Variants in WDR62 observed in about 807,000 individuals in gnomAD.
WDR62 encodes the protein WD repeat domain 62.
In WDR62, 112 loss-of-function variants were observed where a neutral mutation model predicts 160.6. The ratio of observed to expected loss-of-function variants is 0.70; its 90% confidence interval spans 0.60 to 0.82. WDR62 has a LOEUF of 0.82. Ranked by LOEUF, WDR62 falls within the 40% of genes least tolerant of loss-of-function variation. The pLI is 0.00. For missense variants in WDR62, 1,819 were observed against 1,983.8 expected (o/e 0.92, Z 1.58); for synonymous variants, 792 against 815.1 (o/e 0.97, Z 0.48).
rs374037472 is a variant in WDR62, at chr19:36,091,695, G to A, written c.2210+230G>A. ...GTGGATCACTTGAGCTCAGGAGTTC[G>A]AGACCAGCCTGGGCAACATAGCAAA... On this transcript the variant is annotated intron_variant, in intron 18 of 31. Transcript: ENST00000401500. Among the ~76,000 whole-genome samples, 13 of 151,626 alleles carry A rather than the reference G, an allele frequency of 8.6e-5. No homozygotes were observed. In the East Asian group the frequency reaches 1.2e-3, roughly 14 times the overall value.
chr19:36,104,889 C>A lies in WDR62; in HGVS notation c.4433C>A (p.Pro1478Gln), dbSNP rs775519650. ...TGCCTGGTGGGGACTAGTGTGGCCC[C>A]AGCCCAGGCTCTGCCCAGCCCAGGA... ...AECLVGTSVAPAQALPSPGPP... is the reference protein window; with the variant it reads ...AECLVGTSVAQAQALPSPGPP... Residue 1478 changes from proline to glutamine, a missense_variant, in exon 32 of 32, where the codon CCA becomes CAA. Physicochemically the swap from Pro to Gln is moderately conservative, Grantham distance 76. Coordinates refer to ENST00000401500, the MANE Select transcript of WDR62 (RefSeq NM_001083961.2). The A allele has an allele frequency of 1.1e-5, 18 of 1,612,004 alleles. No individual in the cohort carries two copies. Among genetic ancestry groups the A allele is most frequent in the Non-Finnish European group, 1.4e-5 (16 of 1,179,872 alleles).
At chr19:36,105,126 T>C (rs903032772), downstream of WDR62, 11 of 1,468,576 alleles carry the variant, frequency 7.5e-6, no homozygotes, top group South Asian at 3.7e-5. Flanking sequence ...TGGTGTCTGT[T>C]TGGGCCTATC....
intron 20 of WDR62, among the ~76,000 whole-genome samples, chr19:36,096,472 G>A (rs1202174691): frequency 1.3e-5 from 2 of 152,048 alleles, no homozygotes; most frequent in Admixed American, 6.5e-5. Flanking sequence ...TTGGGAGGCC[G>A]AGGCGAGCGG....
downstream of WDR62, among the ~76,000 whole-genome samples, chr19:36,108,263 ACCT>A (rs1303789993): frequency 6.6e-6 from 1 of 151,850 alleles, no homozygotes; most frequent in Admixed American, 6.6e-5. Context: ...CCTCCAGTCA[ACCT>A]CCTAGGCCAT....
chr19:36,058,545 T>C (rs149115461), intron 1 of WDR62, among the ~76,000 whole-genome samples: 1 of 152,388 alleles, frequency 6.6e-6, no homozygotes, highest in East Asian at 1.9e-4. Context: ...CAGTAGAATG[T>C]GAGCCCCCCG....
rs3826995 is a variant in WDR62 at position 36,090,734 on chromosome 19, G to A, written c.2034+214G>A. On this transcript the variant is annotated intron_variant, in intron 16 of 31. Transcript: ENST00000401500. Reference sequence around the variant, plus strand: ...TACAGAGCCCTTCCCCAAGTGGGGCGTCTAAGTGGGTTCCATTTTGAGTGG... The same window carrying A: ...TACAGAGCCCTTCCCCAAGTGGGGCATCTAAGTGGGTTCCATTTTGAGTGG... Among the ~76,000 whole-genome samples the A allele has an allele frequency of 0.28, 43,209 of 152,028 alleles. 6,414 individuals carry two copies. The highest frequency in any genetic ancestry group is 0.33 in the Non-Finnish European group (22,114 of 67,952).
chr19:36,061,737 C>T (rs140856809), intron 3 of WDR62: 2 of 152,210 alleles, frequency 1.3e-5, no homozygotes, highest in African/African-American at 4.8e-5. Context: ...ATTTTCACTC[C>T]AACTGCATAT....
chr19:36,083,819 A>G (rs1972045814), intron 11 of WDR62, among the ~76,000 whole-genome samples: 1 of 152,204 alleles, frequency 6.6e-6, no homozygotes, highest in Admixed American at 6.5e-5. Context: ...ATAAAGGGGC[A>G]GCAGCCACCA....
Position 36,101,225 on chromosome 19 carries a change from G to A in WDR62, c.2879G>A (p.Arg960Lys), listed in dbSNP as rs750035644. The change falls in exon 24 of 32, where the codon AGG becomes AAG. Residue 960 changes from arginine (R) to lysine (K), a missense_variant. Coordinates refer to ENST00000401500, the MANE Select transcript of WDR62 (RefSeq NM_001083961.2). The stretch of plus-strand genomic sequence containing the variant: ...CACTGGCACTGCAGCCAGTATTGCA[G>A]GAAGGAGGTGGAGGCCGGGCCTGGA... Reference protein sequence around the residue: ...TVTGTDSQYCRKEVEAGPGDQ... With the variant: ...TVTGTDSQYCKKEVEAGPGDQ... 14 of 1,612,570 alleles carry A rather than the reference G, an allele frequency of 8.7e-6. No homozygotes were observed. The East Asian group carries it at 1.1e-4, about 13-fold the overall frequency.
intron 20 of WDR62, among the ~76,000 whole-genome samples, chr19:36,094,616 G>A (rs1180363454): frequency 6.6e-6 from 1 of 151,722 alleles, no homozygotes; most frequent in Non-Finnish European, 1.5e-5. Context: ...CAGGCTTAGC[G>A]TGGTGGCTCA....
the WDR62 span, among the ~76,000 whole-genome samples, chr19:36,110,928 T>A: frequency 1.3e-5 from 2 of 151,730 alleles, no homozygotes; most frequent in Non-Finnish European, 2.9e-5. Flanking sequence ...CAGGCCCATC[T>A]CCCCTTGCCT....
chr19:36,106,181 C>T (rs1259872250), downstream of WDR62, among the ~76,000 whole-genome samples: 2 of 152,240 alleles, frequency 1.3e-5, no homozygotes, highest in Non-Finnish European at 2.9e-5. Flanking sequence ...CAGCAGGCAT[C>T]TGGCCACATG....
At position 36,068,005 on chromosome 19, in the gene WDR62, C is replaced by A. The variant is rs765088220; in HGVS notation, c.877C>A (p.Leu293Met). ...EKRVLEKWIN[L>M]KVSLSSCLCV... is the part of the protein sequence containing the mutation. The stretch of plus-strand genomic sequence containing the variant: ...GAGGGTGCTGGAGAAGTGGATCAAC[C>A]TGAAGGTACCACCTCCCTCTCTGCC... Residue 293 changes from leucine to methionine, a missense_variant, in exon 7 of 32, where the codon CTG becomes ATG. This residue lies in a region of WDR62 where 934 missense variants were observed against 1,157.2 expected (regional missense o/e 0.81). Coordinates refer to ENST00000401500, the MANE Select transcript of WDR62 (RefSeq NM_001083961.2). 1.2e-6 allele frequency: 2 copies of A among 1,613,526 alleles called. No homozygotes were observed. Among genetic ancestry groups the A allele is most frequent in the Non-Finnish European group, 8.5e-7 (1 of 1,179,714 alleles).
intron 11 of WDR62, among the ~76,000 whole-genome samples, chr19:36,084,074 G>A (rs1972061329): frequency 1.3e-5 from 2 of 152,088 alleles, no homozygotes; most frequent in African/African-American, 4.8e-5. Flanking sequence ...CTTGGTGGGC[G>A]CTGGCCTGAG....
rs1972712719 is a variant in WDR62 at position 36,092,821 on chromosome 19, G to C, written c.2333+10G>C. On this transcript the variant is annotated intron_variant, in intron 19 of 31. Transcript: ENST00000401500. ...GGAGTGGCCACCCCAGGTCCTGGCA[G>C]CCCCTGCCTGTCCACCAGAGGGATG... 1 of 1,613,682 alleles carries C rather than the reference G, an allele frequency of 6.2e-7. No homozygotes were observed. Among genetic ancestry groups the C allele is most frequent in the African/African-American group, 1.3e-5 (1 of 74,926 alleles).
chr19:36,084,277 T>C (rs534723065), intron 11 of WDR62, among the ~76,000 whole-genome samples: 18 of 152,180 alleles, frequency 1.2e-4, no homozygotes, highest in African/African-American at 3.9e-4. Context: ...AATCAAATGT[T>C]CTCATCCATA....
intron 18 of WDR62, among the ~76,000 whole-genome samples, chr19:36,092,385 G>T (rs1238354460): frequency 6.6e-6 from 1 of 151,980 alleles, no homozygotes; most frequent in Non-Finnish European, 1.5e-5. Flanking sequence ...CACATGGGTG[G>T]TACTCAAGGA....
intron 3 of WDR62, among the ~76,000 whole-genome samples, chr19:36,062,823 T>C (rs2145555276): frequency 6.6e-6 from 1 of 152,258 alleles, no homozygotes; most frequent in Non-Finnish European, 1.5e-5. Flanking sequence ...GGAGTCAGCC[T>C]TTGTCCCATG....
intron 7 of WDR62, 149 bp from the exon 8 acceptor site, chr19:36,071,407 C>A: frequency 2.2e-6 from 2 of 921,396 alleles, no homozygotes; most frequent in Non-Finnish European, 3.5e-6. Context: ...CCTGATTTCA[C>A]AAATCTTAAA....
Sources: allele counts gnomAD v4.1 joint callset (sites outside exome capture counted in the v4.1 genomes callset), GRCh38; gene constraint gnomAD v4.1.1; regional missense constraint gnomAD v4.1.1; transcripts MANE v1.5; gene names NCBI Gene and HGNC (gene_info 2026-07-23, HGNC 2026-07-21).